The following PAX5 variants were observed in gnomAD, a reference collection of about 807,000 sequenced individuals.
PAX5 encodes paired box protein Pax-5.
A neutral mutation model predicts 43.7 loss-of-function variants in PAX5; 9 were observed. That is an observed-to-expected ratio of 0.21 (90% CI 0.12 to 0.36). PAX5 has a LOEUF of 0.36. PAX5 is among the 10% of genes least tolerant of loss of function. The probability of loss-of-function intolerance (pLI) is 1.00; values close to 1 mark genes in which losing one functional copy is unlikely to be tolerated. For synonymous variants in PAX5, 228 were observed against 214.3 expected (o/e 1.06, Z -0.56); for missense variants, 383 against 532.7 (o/e 0.72, Z 2.77).
At position 37,009,283 on chromosome 9, in the gene PAX5, C is replaced by T. The variant is rs73438979; in HGVS notation, c.411-2746G>A. Among the ~76,000 whole-genome samples the T allele has an allele frequency of 3.9e-3, 587 of 152,294 alleles. 8 individuals carry two copies. Among genetic ancestry groups the T allele is most frequent in the African/African-American group, 0.013 (548 of 41,548 alleles). ...GAATCCCATCCCTCTTACAATTTAC[C>T]AGCTACATGACCTTGGGTAAATTAC... On this transcript the variant is annotated intron_variant, in intron 3 of 9. Transcript: ENST00000358127.
At chr9:37,026,251 G>A (rs757424990) in intron 1 of PAX5, among the ~76,000 whole-genome samples, 7 of 152,258 alleles carry the variant, frequency 4.6e-5, no homozygotes, top group Non-Finnish European at 1.0e-4. Context: ...GTCCAAGCCA[G>A]GGTTCTCCGA....
chr9:36,974,993 C>A (rs367616564), intron 5 of PAX5, among the ~76,000 whole-genome samples: 1 of 152,132 alleles, frequency 6.6e-6, no homozygotes, highest in Admixed American at 6.5e-5. Flanking sequence ...CTCTCCTGCC[C>A]AGCAAGACTC....
intron 5 of PAX5, among the ~76,000 whole-genome samples, chr9:36,972,424 T>C (rs988097489): frequency 2.0e-5 from 3 of 152,242 alleles, no homozygotes; most frequent in African/African-American, 4.8e-5. Context: ...GGTAGCTGAG[T>C]TGGTCATTTC....
At chr9:36,963,614 A>C (rs1250890074) in intron 6 of PAX5, among the ~76,000 whole-genome samples, 1 of 152,200 alleles carries the variant, frequency 6.6e-6, no homozygotes, top group Admixed American at 6.5e-5. Flanking sequence ...GCATGTGAGC[A>C]GGTGAGTGAG....
intron 6 of PAX5, among the ~76,000 whole-genome samples, chr9:36,925,597 T>C (rs1830584209): frequency 6.6e-6 from 1 of 152,246 alleles, no homozygotes; most frequent in Admixed American, 6.5e-5. Context: ...TGGTTATCCA[T>C]TCAGAAACAG....
chr9:37,027,398 C>T (rs1840505907), intron 1 of PAX5, among the ~76,000 whole-genome samples: 1 of 152,234 alleles, frequency 6.6e-6, no homozygotes, highest in African/African-American at 2.4e-5. Context: ...GGGGTGTCTA[C>T]CTCGTGCCAA....
chr9:37,030,232 T>C (rs1024460199), intron 1 of PAX5, among the ~76,000 whole-genome samples: 9 of 152,156 alleles, frequency 5.9e-5, no homozygotes, highest in African/African-American at 2.2e-4. Flanking sequence ...AGTTTCCCTC[T>C]GGATAGGGGT....
At chr9:36,915,961 C>T (rs1254230219) in intron 7 of PAX5, among the ~76,000 whole-genome samples, 2 of 151,302 alleles carry the variant, frequency 1.3e-5, no homozygotes, top group African/African-American at 4.9e-5. Flanking sequence ...GTCCCAGCTG[C>T]TTGGGAGGCT....
intron 6 of PAX5, among the ~76,000 whole-genome samples, chr9:36,965,746 G>A (rs1003097625): frequency 2.0e-5 from 3 of 152,226 alleles, no homozygotes; most frequent in Non-Finnish European, 4.4e-5. Flanking sequence ...GGCCCACCAG[G>A]TGGGAGCTCT....
chr9:36,986,052 C>T (rs1836373107), intron 5 of PAX5, among the ~76,000 whole-genome samples: 1 of 152,026 alleles, frequency 6.6e-6, no homozygotes, highest in Non-Finnish European at 1.5e-5. Flanking sequence ...GGTCCCGACG[C>T]CAGCTCCGTC....
chr9:37,030,736 C>A (rs769788333), intron 1 of PAX5, among the ~76,000 whole-genome samples: 3 of 152,238 alleles, frequency 2.0e-5, no homozygotes, highest in Non-Finnish European at 4.4e-5. Flanking sequence ...GGACACACCC[C>A]CTCCCGGCTT....
Position 36,838,662 on chromosome 9 carries a change from G to A in PAX5, c.*1898C>T, listed in dbSNP as rs1821813170. ...TCCGAGTGTTCTTGTTTCCCACTTG[G>A]TCCAAATATTATTGGGCCTCAGGTG... On this transcript the variant is annotated 3_prime_UTR_variant, in exon 10 of 10. Transcript: ENST00000358127. 1.3e-5 allele frequency: 3 copies of A among 232,988 alleles called. No individual in the cohort carries two copies. In the East Asian group the frequency reaches 1.8e-4, roughly 14 times the overall value. 14.4% of individuals were successfully genotyped at this position (232,988 alleles called of 1,614,324 possible).
At chr9:37,014,303 C>G (rs1343005510) in intron 3 of PAX5, among the ~76,000 whole-genome samples, 2 of 152,222 alleles carry the variant, frequency 1.3e-5, no homozygotes, top group African/African-American at 4.8e-5. Context: ...CAGGGTGTTT[C>G]TCTGGTTCTT....
rs138218838 is a variant in PAX5, at chr9:36,839,580, A to G, written c.*980T>C. The G allele has an allele frequency of 3.6e-4, 84 of 233,380 alleles. 1 individual carries two copies. The East Asian group carries it at 4.7e-3, about 13-fold the overall frequency. 14.5% of individuals were successfully genotyped at this position (233,380 alleles called of 1,614,324 possible). ...GGAGGGTGGGTGAAGTGTCCATGGC[A>G]GGTGTCCGAAGTGACCTGAACCTGG... is the stretch of plus-strand genomic sequence containing the variant. On this transcript the variant is annotated 3_prime_UTR_variant, in exon 10 of 10. Coordinates refer to ENST00000358127, the MANE Select transcript of PAX5 (RefSeq NM_016734.3).
intron 5 of PAX5, among the ~76,000 whole-genome samples, chr9:36,977,650 C>T (rs1242313461): frequency 6.6e-6 from 1 of 152,222 alleles, no homozygotes; most frequent in Non-Finnish European, 1.5e-5. Flanking sequence ...CCTGCCTCAG[C>T]CTCTCAAGTA....
chr9:37,005,122 ATC>A (rs1838281921), intron 4 of PAX5, among the ~76,000 whole-genome samples: 1 of 152,188 alleles, frequency 6.6e-6, no homozygotes, highest in Non-Finnish European at 1.5e-5. Context: ...TACAAGTGAA[ATC>A]TCAGCCACAA....
chr9:36,995,277 C>T (rs1837296850), intron 5 of PAX5, among the ~76,000 whole-genome samples: 1 of 152,260 alleles, frequency 6.6e-6, no homozygotes, highest in South Asian at 2.1e-4. Context: ...GGGGAGTGGG[C>T]TGGTTCCAGA....
At chr9:36,938,558 A>G (rs953134468) in intron 6 of PAX5, among the ~76,000 whole-genome samples, 28 of 152,004 alleles carry the variant, frequency 1.8e-4, no homozygotes, top group African/African-American at 6.3e-4. Flanking sequence ...CTCCCCATCC[A>G]ACCGTCTCCA....
intron 8 of PAX5, among the ~76,000 whole-genome samples, chr9:36,855,471 C>T (rs1775412033): frequency 6.6e-6 from 1 of 151,742 alleles, no homozygotes; most frequent in South Asian, 2.1e-4. Context: ...CCTGTCCTGC[C>T]CTCATCTAAG....
Sources: gnomAD v4.1 joint callset for allele counts (sites outside exome capture counted in the v4.1 genomes callset) on GRCh38, gnomAD v4.1.1 for gene constraint, MANE v1.5 for transcripts, NCBI Gene and HGNC (gene_info 2026-07-23, HGNC 2026-07-21) for gene names.